HABP4: variants seen among roughly 807,000 people sequenced by gnomAD.
HABP4 encodes the protein intracellular hyaluronan-binding protein 4.
Under a neutral mutation model 44.1 loss-of-function variants are expected in HABP4, and 32 were observed. The observed-to-expected ratio is 0.73, with a 90% CI of 0.55 to 0.97. HABP4 has a LOEUF of 0.97. HABP4 is among the 50% of genes least tolerant of loss of function. The pLI, the probability that HABP4 is intolerant of heterozygous loss-of-function variation, is 0.00. For synonymous variants in HABP4, 216 were observed against 218.0 expected (o/e 0.99, Z 0.08); for missense variants, 503 against 561.9 (o/e 0.90, Z 1.06).
chr9:96,464,731 A>G (rs1832568821), intron 2 of HABP4, among the ~76,000 whole-genome samples: 1 of 152,124 alleles, frequency 6.6e-6, no homozygotes, highest in Admixed American at 6.6e-5. Context: ...GGGCTTAAAG[A>G]GGTCTTCAGC....
chr9:96,458,257 TC>T, intron 1 of HABP4, 121 bp from the exon 2 acceptor site: 2 of 1,016,270 alleles, frequency 2.0e-6, no homozygotes, highest in South Asian at 1.3e-5. Context: ...TTTCTAAACT[TC>T]CTGAATTCTC....
In HABP4 at chr9:96,490,755, T is replaced by A. The variant is rs1201514912; in HGVS notation, c.*717T>A. The A allele has an allele frequency of 6.6e-6, 1 of 152,196 alleles. No homozygotes were observed. Among genetic ancestry groups the A allele is most frequent in the Non-Finnish European group, 1.5e-5 (1 of 68,044 alleles). The allele number at this position is 152,196 out of a possible 1,614,324, so 9.4% of individuals were successfully genotyped here. ...ATGTGACTTCAAAAACCATGTTATT[T>A]AACCTGCCAATCAAATGGAAAGGGA... On this transcript the variant is annotated 3_prime_UTR_variant, in exon 8 of 8. Coordinates refer to ENST00000375249, the MANE Select transcript of HABP4 (RefSeq NM_014282.4).
chr9:96,467,449 A>T (rs1282606549), intron 4 of HABP4, among the ~76,000 whole-genome samples: 1 of 151,680 alleles, frequency 6.6e-6, no homozygotes, highest in East Asian at 1.9e-4. Context: ...AATATATTTT[A>T]AAAAGTAATA....
At chr9:96,463,506 C>T (rs1466596882) in intron 2 of HABP4, among the ~76,000 whole-genome samples, 4 of 152,014 alleles carry the variant, frequency 2.6e-5, no homozygotes, top group African/African-American at 4.8e-5. Flanking sequence ...CTGCCCGTCT[C>T]GGCTTCCCAA....
chr9:96,452,911 GTTTTTTT>G (rs71368266), intron 1 of HABP4, among the ~76,000 whole-genome samples: 4 of 63,146 alleles, frequency 6.3e-5, no homozygotes, highest in Non-Finnish European at 8.4e-5. Flanking sequence ...ATGGAAAAGG[GTTTTTTT>G]TTTTTTTTTT....
Position 96,454,811 on chromosome 9 carries a change from C to T in HABP4, c.350-3568C>T, listed in dbSNP as rs181604310. On this transcript the variant is annotated intron_variant, in intron 1 of 7. Transcript: ENST00000375249. ...CTGATGTTGCACACTCCTAGGCAAC[C>T]GGGCACAAGTGTCAGTCACAGTGGG... Among the ~76,000 whole-genome samples, 6 of 152,006 alleles carry T rather than the reference C, an allele frequency of 3.9e-5. No homozygotes were observed. The East Asian group carries it at 5.9e-4, about 15-fold the overall frequency.
At chr9:96,455,764 TA>T (rs1398397869) in intron 1 of HABP4, among the ~76,000 whole-genome samples, 4 of 146,388 alleles carry the variant, frequency 2.7e-5, no homozygotes, top group African/African-American at 5.0e-5. Context: ...AGACTTGGTC[TA>T]AAAAAAAAGG....
chr9:96,476,915 G>A (rs1187864013), intron 5 of HABP4, among the ~76,000 whole-genome samples: 2 of 152,224 alleles, frequency 1.3e-5, no homozygotes, highest in Admixed American at 1.3e-4. Context: ...TGAATGAGGT[G>A]CATTCCAGTC....
chr9:96,464,266 A>T (rs1413972756), intron 2 of HABP4, among the ~76,000 whole-genome samples: 1 of 152,216 alleles, frequency 6.6e-6, no homozygotes, highest in Admixed American at 6.5e-5. Context: ...CTGCAATCAG[A>T]TGAGAGACAC....
chr9:96,473,684 TG>T (rs1405025822), intron 5 of HABP4, among the ~76,000 whole-genome samples: 1 of 152,216 alleles, frequency 6.6e-6, no homozygotes, highest in Non-Finnish European at 1.5e-5. Flanking sequence ...GTGCCTTCTC[TG>T]GGTTCACCAT....
intron 5 of HABP4, among the ~76,000 whole-genome samples, chr9:96,476,102 G>A (rs1051665551): frequency 6.6e-6 from 1 of 152,010 alleles, no homozygotes; most frequent in Non-Finnish European, 1.5e-5. Flanking sequence ...GTATTTTTCT[G>A]TGCCCCCTTA....
chr9:96,456,391 A>G (rs1832376671), intron 1 of HABP4, among the ~76,000 whole-genome samples: 1 of 152,206 alleles, frequency 6.6e-6, no homozygotes. Context: ...AAATGGGAAA[A>G]TAGAAAAGTG....
intron 5 of HABP4, among the ~76,000 whole-genome samples, chr9:96,472,707 T>C (rs1231964584): frequency 3.9e-5 from 6 of 152,184 alleles, no homozygotes; most frequent in African/African-American, 1.4e-4. Flanking sequence ...ATGCTCAGTC[T>C]CTCCTGCGTA....
At chr9:96,461,653 T>C (rs561476289) in intron 2 of HABP4, among the ~76,000 whole-genome samples, 1 of 152,144 alleles carries the variant, frequency 6.6e-6, no homozygotes, top group East Asian at 1.9e-4. Flanking sequence ...GTGACAAGAC[T>C]ACTACACACA....
rs1251898372 is a variant in HABP4 at position 96,465,743 on chromosome 9, T to C, written c.708T>C (p.Cys236=). The C allele has an allele frequency of 4.4e-6, 7 of 1,604,726 alleles. No individual in the cohort carries two copies. The highest frequency in any genetic ancestry group is 5.1e-6 in the Non-Finnish European group (6 of 1,171,642). The change falls in exon 4 of 8, where the codon TGT becomes TGC. Residue 236 remains cysteine, a synonymous_variant. Transcript: ENST00000375249. ...GAACTGAAGACAACATGGGTGGATG[T>C]GGAGTTCGAACCTGGGGATCGGGTA... ...AVRTEDNMGG[C]GVRTWGSGKD...
chr9:96,456,813 A>G (rs1162534915), intron 1 of HABP4, among the ~76,000 whole-genome samples: 2 of 124,006 alleles, frequency 1.6e-5, no homozygotes, highest in African/African-American at 6.4e-5. Flanking sequence ...ATATATATAT[A>G]TATATATATC....
In HABP4 at chr9:96,474,024, TTG is replaced by T. The variant is rs1177505192; in HGVS notation, c.827+2939_827+2940del. ...ACATTATAGGGTTCTTGTAAAGATTTTGTGTGTGTGCGTGCGTTTATATCTGT... is the reference window on the plus strand; with the variant it reads ...ACATTATAGGGTTCTTGTAAAGATTTTGTGTGTGCGTGCGTTTATATCTGT... On this transcript the variant is annotated intron_variant, in intron 5 of 7. Transcript: ENST00000375249. 4.6e-4 allele frequency among the ~76,000 whole-genome samples: 70 copies of T among 152,248 alleles called. 1 individual carries two copies. Among genetic ancestry groups the T allele is most frequent in the Non-Finnish European group, 8.8e-5 (6 of 68,004 alleles).
intron 2 of HABP4, among the ~76,000 whole-genome samples, chr9:96,463,335 A>C (rs937435811): frequency 6.6e-6 from 1 of 151,932 alleles, no homozygotes; most frequent in African/African-American, 2.4e-5. Context: ...GCTCACTGCA[A>C]CCTCTGCCTC....
At chr9:96,487,820 A>G (rs944878248) in intron 6 of HABP4, among the ~76,000 whole-genome samples, 1 of 152,196 alleles carries the variant, frequency 6.6e-6, no homozygotes, top group South Asian at 2.1e-4. Flanking sequence ...TGAAATCATA[A>G]TAAGTTCAAA....
Sources: allele counts gnomAD v4.1 joint callset (sites outside exome capture counted in the v4.1 genomes callset), GRCh38; gene constraint gnomAD v4.1.1; transcripts MANE v1.5; gene names NCBI Gene and HGNC (gene_info 2026-07-23, HGNC 2026-07-21).